CALCR: variants seen among roughly 807,000 people sequenced by gnomAD.
The protein encoded by CALCR is calcitonin receptor.
A neutral mutation model predicts 59.5 loss-of-function variants in CALCR; 47 were observed. The ratio of observed to expected loss-of-function variants is 0.79; its 90% CI spans 0.63 to 1.01. CALCR has a LOEUF of 1.01. Ranked by LOEUF, CALCR falls within the 50% of genes least tolerant of loss-of-function variation. The probability of loss-of-function intolerance (pLI) is 0.00; values close to 1 mark genes in which losing one functional copy is unlikely to be tolerated. For missense variants in CALCR, 566 were observed against 597.1 expected, an observed-to-expected ratio of 0.95 and a Z score of 0.54; for synonymous variants, 213 against 211.3, an observed-to-expected ratio of 1.01 and a Z score of -0.07.
At chr7:93,550,597 A>AC (rs1563017439) in intron 2 of CALCR, among the ~76,000 whole-genome samples, 8 of 96,752 alleles carry the variant, frequency 8.3e-5, no homozygotes, top group African/African-American at 2.0e-4. Flanking sequence ...CATTTGGGCT[A>AC]AACACACACA....
intron 3 of CALCR, chr7:93,483,912 C>A: frequency 4.4e-6 from 2 of 451,696 alleles, no homozygotes; most frequent in Non-Finnish European, 9.7e-6. Flanking sequence ...TACAAACAAA[C>A]AAAACTCTTA....
intron 6 of CALCR, among the ~76,000 whole-genome samples, chr7:93,469,110 C>T (rs1800499944): frequency 6.6e-6 from 1 of 151,700 alleles, no homozygotes; most frequent in Non-Finnish European, 1.5e-5. Flanking sequence ...AGTAAGCAAT[C>T]CTGGTAGTTT....
intron 9 of CALCR, among the ~76,000 whole-genome samples, chr7:93,440,491 G>A (rs917065980): frequency 1.3e-5 from 2 of 151,730 alleles, no homozygotes; most frequent in African/African-American, 4.8e-5. Flanking sequence ...TTCAGATTTG[G>A]CAATGTGATT....
intron 2 of CALCR, among the ~76,000 whole-genome samples, chr7:93,496,435 T>A (rs905945723): frequency 1.3e-5 from 2 of 151,496 alleles, no homozygotes; most frequent in Non-Finnish European, 3.0e-5. Context: ...TTTAGCTCAA[T>A]GGCAATTTCT....
rs754056336 is a variant in CALCR at position 93,479,433 on chromosome 7, G to A, written c.126C>T (p.Val42=). 8.7e-6 allele frequency: 14 copies of A among 1,612,514 alleles called. No individual in the cohort carries two copies. The Admixed American group carries it at 1.0e-4, about 12-fold the overall frequency. The change falls in exon 4 of 14, where the codon GTC becomes GTT. Residue 42 remains valine (V), a synonymous_variant. Coordinates refer to ENST00000426151, the MANE Select transcript of CALCR (RefSeq NM_001742.4). ...PTIEPKPFLY[V]VGRKKMMDAQ... The stretch of plus-strand genomic sequence containing the variant: ...CATCCATCATCTTCTTTCGTCCTAC[G>A]ACGTAAAGAAATGGCTTGGGCTCTA...
chr7:93,503,152 G>T (rs148571550), intron 2 of CALCR, among the ~76,000 whole-genome samples: 9 of 152,096 alleles, frequency 5.9e-5, no homozygotes, highest in Admixed American at 1.3e-4. Context: ...CTATGGGGCA[G>T]CTGAAGCACC....
At chr7:93,503,852 C>T (rs1801373590) in intron 2 of CALCR, among the ~76,000 whole-genome samples, 1 of 152,044 alleles carries the variant, frequency 6.6e-6, no homozygotes, top group Non-Finnish European at 1.5e-5. Context: ...TAAAAGAAGG[C>T]TCTTAAACCA....
At chr7:93,529,579 A>T (rs1788778515) in intron 2 of CALCR, among the ~76,000 whole-genome samples, 1 of 152,072 alleles carries the variant, frequency 6.6e-6, no homozygotes, top group Non-Finnish European at 1.5e-5. Context: ...ATTATTTTTC[A>T]TTTATTTTTA....
At chr7:93,562,411 G>GAACAAC (rs144086474) in intron 2 of CALCR, among the ~76,000 whole-genome samples, 2 of 151,056 alleles carry the variant, frequency 1.3e-5, no homozygotes, top group Admixed American at 6.6e-5. Context: ...TTATAAAAAG[G>GAACAAC]AACAACAACA....
At chr7:93,442,673 A>T (rs980380647) in intron 9 of CALCR, among the ~76,000 whole-genome samples, 11 of 152,090 alleles carry the variant, frequency 7.2e-5, no homozygotes, top group African/African-American at 2.4e-4. Flanking sequence ...TGCTGCATTA[A>T]AGGGCAAGCT....
chr7:93,475,553 A>T (rs1432690413), intron 5 of CALCR, among the ~76,000 whole-genome samples: 2 of 139,298 alleles, frequency 1.4e-5, no homozygotes, highest in African/African-American at 2.6e-5. Flanking sequence ...TTTTTTTTTT[A>T]AATAAAATGA....
At chr7:93,519,592 A>T (rs1263602739) in intron 2 of CALCR, among the ~76,000 whole-genome samples, 1 of 152,110 alleles carries the variant, frequency 6.6e-6, no homozygotes, top group Non-Finnish European at 1.5e-5. Flanking sequence ...TATTATTAAA[A>T]TACCTTTGAA....
chr7:93,465,607 A>C (rs1800423731), intron 7 of CALCR, among the ~76,000 whole-genome samples: 3 of 151,934 alleles, frequency 2.0e-5, no homozygotes, highest in Non-Finnish European at 4.4e-5. Context: ...TTTTCCATGA[A>C]TTAAACCTGA....
intron 2 of CALCR, among the ~76,000 whole-genome samples, chr7:93,502,406 C>T (rs10235331): frequency 0.049 from 7,473 of 152,074 alleles, 632 homozygotes; most frequent in African/African-American, 0.17. Context: ...TAGAAACATA[C>T]GTATTTAAAT....
At chr7:93,437,086 A>G (rs1799797073) in intron 11 of CALCR, among the ~76,000 whole-genome samples, 1 of 152,074 alleles carries the variant, frequency 6.6e-6, no homozygotes, top group Admixed American at 6.5e-5. Flanking sequence ...AATTAATAAG[A>G]ATTCCAAATA....
At chr7:93,573,645 G>A (rs1337672934) in intron 2 of CALCR, among the ~76,000 whole-genome samples, 1 of 152,160 alleles carries the variant, frequency 6.6e-6, no homozygotes, top group Non-Finnish European at 1.5e-5. Flanking sequence ...TGAATGTTTT[G>A]AGAAAAGGAA....
chr7:93,500,117 G>A (rs1163385412), intron 2 of CALCR, among the ~76,000 whole-genome samples: 1 of 151,864 alleles, frequency 6.6e-6, no homozygotes, highest in East Asian at 1.9e-4. Context: ...TTGAAAGTTA[G>A]TGGAAGAGCT....
Position 93,425,893 on chromosome 7 carries a change from T to A in CALCR, c.*463A>T. 1 of 154,382 alleles carries A rather than the reference T, an allele frequency of 6.5e-6. No homozygotes were observed. 9.6% of individuals were successfully genotyped at this position (154,382 alleles called of 1,614,324 possible). ...AGGATGGTAAAACATCTCAGTAACA[T>A]CAGAATTGACTGAAATTTAAAAAAA... On this transcript the variant is annotated 3_prime_UTR_variant, in exon 14 of 14. Coordinates refer to ENST00000426151, the MANE Select transcript of CALCR (RefSeq NM_001742.4).
intron 13 of CALCR, among the ~76,000 whole-genome samples, chr7:93,431,708 TAAAC>T (rs1799661704): frequency 6.6e-6 from 1 of 152,172 alleles, no homozygotes; most frequent in South Asian, 2.1e-4. Context: ...CTACAGGAAA[TAAAC>T]AAAATTTTAG....
Sources: gnomAD v4.1 joint callset for allele counts (sites outside exome capture counted in the v4.1 genomes callset) on GRCh38, gnomAD v4.1.1 for gene constraint, MANE v1.5 for transcripts, NCBI Gene and HGNC (gene_info 2026-07-23, HGNC 2026-07-21) for gene names.